The following MEIS2 variants were observed in gnomAD, a reference collection of about 807,000 sequenced individuals.
MEIS2 encodes homeobox protein Meis2.
A neutral mutation model predicts 58.6 loss-of-function variants in MEIS2; 9 were observed. That is an observed-to-expected ratio of 0.15 (90% CI 0.09 to 0.27). The LOEUF (loss-of-function observed/expected upper bound fraction) is 0.27, where lower values mean the gene tolerates loss of function less well. MEIS2 is among the 10% of genes least tolerant of loss of function. MEIS2 has a pLI of 1.00. For missense variants in MEIS2, 427 were observed against 635.0 expected, an observed-to-expected ratio of 0.67 and a Z score of 3.52; for synonymous variants, 221 against 228.4, an observed-to-expected ratio of 0.97 and a Z score of 0.29.
chr15:37,045,584 T>C (rs2062629288), intron 7 of MEIS2, among the ~76,000 whole-genome samples: 1 of 152,196 alleles, frequency 6.6e-6, no homozygotes, highest in Non-Finnish European at 1.5e-5. Flanking sequence ...AATTTTTTCC[T>C]ACATGCAATT....
intron 9 of MEIS2, among the ~76,000 whole-genome samples, chr15:36,912,368 T>A (rs541605286): frequency 3.3e-5 from 5 of 152,334 alleles, no homozygotes; most frequent in African/African-American, 1.2e-4. Flanking sequence ...TAATTGCTCT[T>A]ATGGAATGCT....
At chr15:37,098,701 A>C (rs1894707349) in intron 1 of MEIS2, among the ~76,000 whole-genome samples, 1 of 152,134 alleles carries the variant, frequency 6.6e-6, no homozygotes, top group Non-Finnish European at 1.5e-5. Context: ...TAGTGTGAGG[A>C]GGAAGCCCCG....
chr15:36,978,344 C>T (rs1207216582), intron 8 of MEIS2, among the ~76,000 whole-genome samples: 3 of 152,172 alleles, frequency 2.0e-5, no homozygotes, highest in African/African-American at 7.2e-5. Context: ...TGTTAAATGA[C>T]CTGCCTGAGG....
chr15:37,081,681 C>G (rs1261288037), intron 7 of MEIS2, among the ~76,000 whole-genome samples: 1 of 151,832 alleles, frequency 6.6e-6, no homozygotes, highest in Non-Finnish European at 1.5e-5. Flanking sequence ...GAAATCATAC[C>G]TTTTTTTTCT....
At chr15:36,906,332 G>A (rs1277306067) in intron 9 of MEIS2, among the ~76,000 whole-genome samples, 1 of 152,110 alleles carries the variant, frequency 6.6e-6, no homozygotes, top group Admixed American at 6.6e-5. Context: ...GAAAGTTCTT[G>A]TCCAATCCAG....
chr15:37,006,519 G>T (rs942990663), intron 8 of MEIS2, among the ~76,000 whole-genome samples: 5 of 152,146 alleles, frequency 3.3e-5, no homozygotes, highest in African/African-American at 1.2e-4. Flanking sequence ...TTCAATCTAT[G>T]CAAGTCTACT....
intron 9 of MEIS2, among the ~76,000 whole-genome samples, chr15:36,927,576 G>GA (rs1416423703): frequency 1.1e-4 from 16 of 152,146 alleles, no homozygotes; most frequent in African/African-American, 3.6e-4. Flanking sequence ...GAGTTCATTA[G>GA]ATGTGTTGCT....
At chr15:36,986,054 A>G (rs2060083183) in intron 8 of MEIS2, among the ~76,000 whole-genome samples, 1 of 152,194 alleles carries the variant, frequency 6.6e-6, no homozygotes, top group South Asian at 2.1e-4. Context: ...GCATTGAGAG[A>G]TAAATTATAC....
Position 37,099,552 on chromosome 15 carries a change from T to C in MEIS2, c.-86A>G, listed in dbSNP as rs534378565. 7 of 600,254 alleles carry C rather than the reference T, an allele frequency of 1.2e-5. No individual in the cohort carries two copies. The South Asian group carries it at 2.3e-4, about 20-fold the overall frequency. 37.2% of individuals were successfully genotyped at this position (600,254 alleles called of 1,614,324 possible). A position where few individuals can be genotyped will look rare whatever the true frequency, so the allele number is the denominator to read the frequency against. ...GAAAGTGATCTAGGCTGAAGATTCC[T>C]TTTTTTTTTTTCCAAACCAAAGAGA... On this transcript the variant is annotated 5_prime_UTR_variant, in exon 1 of 12. Transcript: ENST00000561208.
chr15:37,038,529 A>G (rs760445983), intron 7 of MEIS2, among the ~76,000 whole-genome samples: 6 of 152,164 alleles, frequency 3.9e-5, no homozygotes, highest in Non-Finnish European at 5.9e-5. Flanking sequence ...GGAAGAGATG[A>G]CCCTCACTAT....
Position 36,895,222 on chromosome 15 carries a change from T to C in MEIS2, c.1076A>G (p.Tyr359Cys). Residue 359 changes from tyrosine to cysteine, a missense_variant, in exon 11 of 12, where the codon TAT becomes TGT. Tyr to Cys is a radical substitution (Grantham distance 194). Transcript: ENST00000561208. ...LDPSVSQGAA[Y>C]SPEGQPMGSF... Reference sequence around the variant, plus strand: ...CCCCATGGGCTGACCCTCTGGACTATATGCTGCTCCTTGGCTCACTGAAGG... The same window carrying C: ...CCCCATGGGCTGACCCTCTGGACTACATGCTGCTCCTTGGCTCACTGAAGG... The C allele has an allele frequency of 6.2e-7, 1 of 1,614,174 alleles. No individual in the cohort carries two copies. The highest frequency in any genetic ancestry group is 1.1e-5 in the South Asian group (1 of 91,080).
intron 9 of MEIS2, among the ~76,000 whole-genome samples, chr15:36,925,350 A>G (rs1375382025): frequency 6.6e-6 from 1 of 152,180 alleles, no homozygotes; most frequent in African/African-American, 2.4e-5. Flanking sequence ...GGCTTTCATG[A>G]AGATGGAGGG....
At position 36,976,286 on chromosome 15, in the gene MEIS2, A is replaced by G. The variant is rs537129679; in HGVS notation, c.901-25886T>C. 5.6e-3 allele frequency among the ~76,000 whole-genome samples: 847 copies of G among 151,888 alleles called. 2 individuals are homozygous for G. Among genetic ancestry groups the G allele is most frequent in the Non-Finnish European group, 8.2e-3 (555 of 67,944 alleles). Reference sequence around the variant, plus strand: ...TTTTTAGTAGAGACGGGGTTTCACCATGTTGGCCAGGCTGGTCTCGAACTC... The same window carrying G: ...TTTTTAGTAGAGACGGGGTTTCACCGTGTTGGCCAGGCTGGTCTCGAACTC... On this transcript the variant is annotated intron_variant, in intron 8 of 11. Transcript: ENST00000561208.
chr15:36,952,010 C>T (rs139439330), intron 8 of MEIS2, among the ~76,000 whole-genome samples: 1 of 152,266 alleles, frequency 6.6e-6, no homozygotes, highest in Non-Finnish European at 1.5e-5. Context: ...CACACTCATT[C>T]CTGGTCATCA....
intron 8 of MEIS2, among the ~76,000 whole-genome samples, chr15:37,027,607 C>T (rs2061749883): frequency 1.3e-5 from 2 of 152,190 alleles, no homozygotes; most frequent in Admixed American, 6.5e-5. Context: ...AATTCCCCAT[C>T]TCCTTGAATT....
intron 8 of MEIS2, among the ~76,000 whole-genome samples, chr15:36,976,373 C>T (rs1048580270): frequency 5.9e-5 from 9 of 151,662 alleles, no homozygotes; most frequent in Non-Finnish European, 1.2e-4. Context: ...CGTGAGCCAC[C>T]GCGCCTGGCC....
chr15:37,094,675 G>T (rs1347370200), intron 4 of MEIS2, 98 bp from the exon 5 acceptor site: 8 of 979,854 alleles, frequency 8.2e-6, no homozygotes, highest in Non-Finnish European at 1.2e-5. Context: ...AGAAAGTTGG[G>T]CTGGGGAGAA....
At chr15:37,066,927 T>A (rs1026228340) in intron 7 of MEIS2, among the ~76,000 whole-genome samples, 10 of 151,782 alleles carry the variant, frequency 6.6e-5, no homozygotes, top group African/African-American at 2.4e-4. Flanking sequence ...TATAGGTGCA[T>A]GCCATTGTGC....
chr15:36,962,801 G>A (rs1179083071), intron 8 of MEIS2, among the ~76,000 whole-genome samples: 1 of 152,164 alleles, frequency 6.6e-6, no homozygotes, highest in Non-Finnish European at 1.5e-5. Context: ...CATTCTCTAA[G>A]TTAGCAAAAC....
Sources: gnomAD v4.1 joint callset for allele counts (sites outside exome capture counted in the v4.1 genomes callset) on GRCh38, gnomAD v4.1.1 for gene constraint, MANE v1.5 for transcripts, NCBI Gene and HGNC (gene_info 2026-07-23, HGNC 2026-07-21) for gene names.